CIB4: variants seen among roughly 807,000 people sequenced by gnomAD.
CIB4 encodes calcium and integrin binding family member 4.
Under a neutral mutation model 25.8 loss-of-function variants are expected in CIB4, and 25 were observed. The ratio of observed to expected loss-of-function variants is 0.97; its 90% confidence interval spans 0.71 to 1.35. The LOEUF (loss-of-function observed/expected upper bound fraction) is 1.35. CIB4 is among the 40% of genes most tolerant of loss of function. CIB4 has a pLI of 0.00. For synonymous variants in CIB4, 75 were observed against 81.4 expected, an observed-to-expected ratio of 0.92 and a Z score of 0.42; for missense variants, 235 against 228.2, an observed-to-expected ratio of 1.03 and a Z score of -0.19.
intron 4 of CIB4, among the ~76,000 whole-genome samples, chr2:26,588,618 G>A (rs1222890404): frequency 6.6e-6 from 1 of 152,218 alleles, no homozygotes; most frequent in African/African-American, 2.4e-5. Context: ...CTGTGGTGGA[G>A]GGAGGGCTCC....
chr2:26,619,182 T>A (rs1034357099), intron 3 of CIB4, among the ~76,000 whole-genome samples: 1 of 152,172 alleles, frequency 6.6e-6, no homozygotes, highest in African/African-American at 2.4e-5. Context: ...CATGGTCTTT[T>A]CCCTCTGGGG....
chr2:26,595,149 C>A (rs764979467), intron 4 of CIB4, 27 bp downstream of exon 4: 3 of 1,592,822 alleles, frequency 1.9e-6, no homozygotes, highest in South Asian at 1.1e-5. Flanking sequence ...TTCCACCCCT[C>A]ACCCCTCAGT....
At chr2:26,588,695 C>T (rs921906574) in intron 4 of CIB4, among the ~76,000 whole-genome samples, 14 of 152,206 alleles carry the variant, frequency 9.2e-5, no homozygotes, top group South Asian at 2.1e-4. Context: ...CTGCACCTGC[C>T]GTGGCGTCAG....
intron 3 of CIB4, 72 bp from the exon 4 acceptor site, chr2:26,595,389 CTAT>C: frequency 6.7e-7 from 1 of 1,500,928 alleles, no homozygotes; most frequent in Non-Finnish European, 9.2e-7. Flanking sequence ...TCTCTCTCAT[CTAT>C]TACAAACACT....
In CIB4 at chr2:26,632,117, C is replaced by A. The variant is rs908016298; in HGVS notation, c.90-2611G>T. ...ACGAGACCCAAGGCAAACTGCCGGA[C>A]CTCTCTGAGCACGCAGGCCCAGGTT... is the stretch of plus-strand genomic sequence containing the variant. On this transcript the variant is annotated intron_variant, in intron 2 of 6. Transcript: ENST00000288861. Among the ~76,000 whole-genome samples, 47 of 152,242 alleles carry A rather than the reference C, an allele frequency of 3.1e-4. 2 individuals are homozygous for A. The highest frequency in any genetic ancestry group is 7.3e-5 in the Non-Finnish European group (5 of 68,042).
intron 3 of CIB4, chr2:26,605,649 G>A: frequency 4.5e-6 from 2 of 440,928 alleles, no homozygotes; most frequent in Admixed American, 2.5e-5. Flanking sequence ...TGTTGGGTCA[G>A]CATCATTCAG....
chr2:26,640,043 A>G (rs1185424604), intron 2 of CIB4, among the ~76,000 whole-genome samples: 4 of 124,270 alleles, frequency 3.2e-5, no homozygotes, highest in Non-Finnish European at 4.9e-5. Context: ...GGGGCTGCTC[A>G]CCACCCCACC....
At chr2:26,592,983 G>A (rs955082986) in intron 4 of CIB4, among the ~76,000 whole-genome samples, 5 of 152,098 alleles carry the variant, frequency 3.3e-5, no homozygotes, top group South Asian at 2.1e-4. Context: ...GGGTGTTTCC[G>A]GAAGAGACTG....
chr2:26,627,836 A>G lies in CIB4; in HGVS notation c.186+1574T>C, dbSNP rs2148222406. On this transcript the variant is annotated intron_variant, in intron 3 of 6. Coordinates refer to ENST00000288861, the MANE Select transcript of CIB4 (RefSeq NM_001029881.3). This position sits in a 1 kb window ranked among gnomAD's most constrained non-coding sequence, Gnocchi z 4.0. ...TCTATTTCAAGACCCAGCTTTGTGC[A>G]TTTTCCTCTGTCTCTGTCTGCCCTA... Among the ~76,000 whole-genome samples, 1 of 147,886 alleles carries G rather than the reference A, an allele frequency of 6.8e-6. No homozygotes were observed. Among genetic ancestry groups the G allele is most frequent in the Non-Finnish European group, 1.5e-5 (1 of 67,334 alleles).
At chr2:26,589,292 C>T (rs1668542758) in intron 4 of CIB4, among the ~76,000 whole-genome samples, 1 of 150,134 alleles carries the variant, frequency 6.7e-6, no homozygotes, top group Admixed American at 6.7e-5. Flanking sequence ...TCCTCCTCCT[C>T]CTCCTCTCCT....
chr2:26,582,979 G>C (rs1668377613), intron 5 of CIB4, 66 bp from the exon 6 acceptor site: 1 of 1,112,464 alleles, frequency 9.0e-7, no homozygotes, highest in Admixed American at 1.7e-5. Context: ...GGGGCACAGG[G>C]TGGAGGGGGA....
At chr2:26,584,751 G>T (rs892256822) in intron 4 of CIB4, among the ~76,000 whole-genome samples, 3 of 152,166 alleles carry the variant, frequency 2.0e-5, no homozygotes, top group Non-Finnish European at 4.4e-5. Context: ...AATAACCCAG[G>T]ATGCTGCCGT....
chr2:26,641,210 G>C (rs1316765837), intron 1 of CIB4, 51 bp downstream of exon 1: 2 of 1,484,432 alleles, frequency 1.3e-6, no homozygotes, highest in Admixed American at 3.3e-5. Context: ...CATTCCACCT[G>C]CTTTAGGAAG....
chr2:26,597,288 T>C (rs374744024), intron 3 of CIB4, among the ~76,000 whole-genome samples: 48 of 152,344 alleles, frequency 3.2e-4, no homozygotes, highest in African/African-American at 1.1e-3. Flanking sequence ...CTGACTGATG[T>C]AAGGGAAGAC....
At chr2:26,629,051 C>T (rs980870044) in intron 3 of CIB4, among the ~76,000 whole-genome samples, 6 of 152,266 alleles carry the variant, frequency 3.9e-5, no homozygotes, top group South Asian at 2.1e-4. Flanking sequence ...AGGCTGGCCT[C>T]GGAGGCTGAG....
At chr2:26,610,392 CGCTCAGTGACTCTTTAA>C (rs1038118212) in intron 3 of CIB4, among the ~76,000 whole-genome samples, 36 of 152,258 alleles carry the variant, frequency 2.4e-4, no homozygotes, top group Non-Finnish European at 4.0e-4. Flanking sequence ...CACTGCCCCA[CGCTCAGTGACTCTTTAA>C]ACAACGGAGT....
chr2:26,583,366 G>A (rs1471015313), intron 5 of CIB4, among the ~76,000 whole-genome samples: 2 of 152,164 alleles, frequency 1.3e-5, no homozygotes, highest in Non-Finnish European at 2.9e-5. Context: ...CCTCGTGTTT[G>A]TCACTCCAGG....
At chr2:26,621,084 T>C (rs1399947238) in intron 3 of CIB4, among the ~76,000 whole-genome samples, 2 of 151,442 alleles carry the variant, frequency 1.3e-5, no homozygotes, top group Non-Finnish European at 2.9e-5. Context: ...AGGGAGAAAG[T>C]TATCAATGAA....
At chr2:26,590,258 T>TAAA (rs869097756) in intron 4 of CIB4, among the ~76,000 whole-genome samples, 3,592 of 61,760 alleles carry the variant, frequency 0.058, 701 homozygotes, top group Non-Finnish European at 0.061. Context: ...CAAGCATCTG[T>TAAA]AAAAAAAAAA....
Sources: gnomAD v4.1 joint callset for allele counts (sites outside exome capture counted in the v4.1 genomes callset) on GRCh38, gnomAD v4.1.1 for gene constraint, Gnocchi (gnomAD v3.1) non-coding constraint, MANE v1.5 for transcripts, NCBI Gene and HGNC (gene_info 2026-07-23, HGNC 2026-07-21) for gene names.